ZNF423: variants seen among roughly 807,000 people sequenced by gnomAD.
The protein encoded by ZNF423 is zinc finger protein 423.
Under a neutral mutation model 95.8 loss-of-function variants are expected in ZNF423, and 12 were observed. The ratio of observed to expected loss-of-function variants is 0.13; its 90% CI spans 0.08 to 0.20. The LOEUF (loss-of-function observed/expected upper bound fraction) is 0.20, where lower values mean the gene tolerates loss of function less well. Among genes scored for constraint, ZNF423 ranks in the 10% least tolerant of loss-of-function variants. The probability of loss-of-function intolerance (pLI) is 1.00; values close to 1 mark genes in which losing one functional copy is unlikely to be tolerated. For synonymous variants in ZNF423, 749 were observed against 711.9 expected, an observed-to-expected ratio of 1.05 and a Z score of -0.83; for missense variants, 1,316 against 1,737.1, an observed-to-expected ratio of 0.76 and a Z score of 4.31.
At chr16:49,602,334 T>C (rs1372429698) in intron 5 of ZNF423, among the ~76,000 whole-genome samples, 1 of 152,210 alleles carries the variant, frequency 6.6e-6, no homozygotes, top group Non-Finnish European at 1.5e-5. Flanking sequence ...AGGCAGGGTG[T>C]GAGGAGGCCC....
intron 1 of ZNF423, among the ~76,000 whole-genome samples, chr16:49,833,624 CAAT>C (rs1260701336): frequency 1.4e-5 from 2 of 146,880 alleles, no homozygotes; most frequent in East Asian, 2.1e-4. Context: ...TTCGGCAAGA[CAAT>C]GATGGTGAAA....
chr16:49,525,279 A>G (rs1968558170), intron 6 of ZNF423, 84 bp downstream of exon 6: 1 of 1,565,788 alleles, frequency 6.4e-7, no homozygotes, highest in Non-Finnish European at 8.7e-7. Flanking sequence ...AAAGAGGAAG[A>G]GCACACACTG....
chr16:49,632,290 G>A (rs142386472), intron 4 of ZNF423, among the ~76,000 whole-genome samples: 3 of 152,238 alleles, frequency 2.0e-5, no homozygotes, highest in African/African-American at 7.2e-5. Context: ...ACACTCCCGA[G>A]GGTCCCAGCC....
intron 1 of ZNF423, among the ~76,000 whole-genome samples, chr16:49,808,563 C>T (rs1193166938): frequency 6.6e-6 from 1 of 152,098 alleles, no homozygotes; most frequent in East Asian, 1.9e-4. Context: ...AGGTGCATGT[C>T]AGTTGTCCTA....
intron 5 of ZNF423, among the ~76,000 whole-genome samples, chr16:49,623,779 G>T (rs369335181): frequency 1.3e-5 from 2 of 152,180 alleles, no homozygotes; most frequent in African/African-American, 2.4e-5. Context: ...CCACACACAC[G>T]ATTGGGAGTC....
At chr16:49,541,214 C>T (rs1969233662) in intron 5 of ZNF423, among the ~76,000 whole-genome samples, 1 of 152,218 alleles carries the variant, frequency 6.6e-6, no homozygotes, top group Admixed American at 6.5e-5. Flanking sequence ...AACAACCTGG[C>T]ACACAGTGGC....
intron 1 of ZNF423, among the ~76,000 whole-genome samples, chr16:49,842,247 G>C (rs1162339835): frequency 9.6e-6 from 1 of 104,092 alleles, no homozygotes; most frequent in Non-Finnish European, 2.0e-5. Context: ...GGGAAGGGAG[G>C]GGAAAGGAGG....
chr16:49,527,569 T>G (rs939838575), intron 5 of ZNF423, among the ~76,000 whole-genome samples: 5 of 152,072 alleles, frequency 3.3e-5, no homozygotes, highest in African/African-American at 1.2e-4. Flanking sequence ...TGTGACCTTA[T>G]TAGAATGAGG....
chr16:49,640,318 TCA>T (rs1972928985), intron 3 of ZNF423, among the ~76,000 whole-genome samples: 1 of 151,864 alleles, frequency 6.6e-6, no homozygotes. Flanking sequence ...ACACCCACCA[TCA>T]CACACATTCA....
chr16:49,573,952 C>T (rs1970421804), intron 5 of ZNF423, among the ~76,000 whole-genome samples: 1 of 152,204 alleles, frequency 6.6e-6, no homozygotes, highest in Non-Finnish European at 1.5e-5. Context: ...CATCCCCACG[C>T]CTTCATCCAT....
Position 49,491,150 on chromosome 16 carries a change from C to T in ZNF423, c.*125G>A. 3.5e-6 allele frequency: 4 copies of T among 1,158,384 alleles called. No individual in the cohort carries two copies. Among genetic ancestry groups the T allele is most frequent in the Non-Finnish European group, 5.2e-6 (4 of 770,462 alleles). 71.8% of individuals were successfully genotyped at this position (1,158,384 alleles called of 1,614,324 possible). A position where few individuals can be genotyped will look rare whatever the true frequency, so the allele number is the denominator to read the frequency against. ...TGCTTATAATAGCAGCGCCTCATGG[C>T]CAAATCATTAGAGTTTTACATCTGG... is the stretch of plus-strand genomic sequence containing the variant. On this transcript the variant is annotated 3_prime_UTR_variant, in exon 8 of 8. Transcript: ENST00000563137.
At chr16:49,564,673 T>A (rs1009705644) in intron 5 of ZNF423, among the ~76,000 whole-genome samples, 9 of 152,184 alleles carry the variant, frequency 5.9e-5, no homozygotes, top group African/African-American at 1.9e-4. Context: ...CTGAGCATGG[T>A]GTGGTGGCAC....
rs1410539821 is a variant in ZNF423, at chr16:49,823,930, A to C, written c.40+31805T>G. Among the ~76,000 whole-genome samples, 8 of 151,382 alleles carry C rather than the reference A, an allele frequency of 5.3e-5. No homozygotes were observed. In the East Asian group the frequency reaches 1.6e-3, roughly 29 times the overall value. On this transcript the variant is annotated intron_variant, in intron 1 of 7. Coordinates refer to ENST00000563137, the MANE Select transcript of ZNF423 (RefSeq NM_001379286.1). The stretch of plus-strand genomic sequence containing the variant: ...GGGCAATATAGTGAGACCTCTCTAC[A>C]AAAAAAAATAAAAATTTGGTACACA...
intron 1 of ZNF423, among the ~76,000 whole-genome samples, 156 bp from the exon 2 acceptor site, chr16:49,789,702 T>C (rs185961114): frequency 6.6e-6 from 1 of 152,310 alleles, no homozygotes; most frequent in East Asian, 1.9e-4. Context: ...AGGCCTTTAT[T>C]GGTTTCACAG....
chr16:49,531,647 G>T (rs1010594639), intron 5 of ZNF423, among the ~76,000 whole-genome samples: 1 of 152,338 alleles, frequency 6.6e-6, no homozygotes. Flanking sequence ...TAAATGCCAT[G>T]AAGAAATTAA....
chr16:49,568,989 A>T (rs1040047958), intron 5 of ZNF423, among the ~76,000 whole-genome samples: 1 of 151,508 alleles, frequency 6.6e-6, no homozygotes, highest in Non-Finnish European at 1.5e-5. Flanking sequence ...GTCAGATTAG[A>T]CCCCACCAGC....
At chr16:49,749,077 G>A (rs534541954) in intron 2 of ZNF423, among the ~76,000 whole-genome samples, 4 of 152,270 alleles carry the variant, frequency 2.6e-5, no homozygotes, top group South Asian at 2.1e-4. Flanking sequence ...GGAAGGTGGC[G>A]AAACAGCATA....
rs181676271 is a variant in ZNF423 at position 49,833,933 on chromosome 16, C to A, written c.40+21802G>T. On this transcript the variant is annotated intron_variant, in intron 1 of 7. Transcript: ENST00000563137. ...TGTACTCGGTCAGGCCACTGGACCACAGAACTGGAACTCAGGATGGAGCGA... is the reference window on the plus strand; with the variant it reads ...TGTACTCGGTCAGGCCACTGGACCAAAGAACTGGAACTCAGGATGGAGCGA... Among the ~76,000 whole-genome samples, 478 of 152,282 alleles carry A rather than the reference C, an allele frequency of 3.1e-3. 1 individual carries two copies. Among genetic ancestry groups the A allele is most frequent in the Non-Finnish European group, 4.6e-3 (311 of 68,032 alleles).
intron 2 of ZNF423, among the ~76,000 whole-genome samples, chr16:49,742,953 A>C (rs1009041130): frequency 2.6e-5 from 4 of 152,136 alleles, no homozygotes; most frequent in Admixed American, 1.3e-4. Flanking sequence ...GGGGCCAGGC[A>C]TCATCGCTGT....
Sources: gnomAD v4.1 joint callset for allele counts (sites outside exome capture counted in the v4.1 genomes callset) on GRCh38, gnomAD v4.1.1 for gene constraint, MANE v1.5 for transcripts, NCBI Gene and HGNC (gene_info 2026-07-23, HGNC 2026-07-21) for gene names.